Variants in ZNF704 observed in about 807,000 individuals in gnomAD.
The protein encoded by ZNF704 is glucocorticoid induced gene 1.
Under a neutral mutation model 44.7 loss-of-function variants are expected in ZNF704, and 10 were observed. The observed-to-expected ratio is 0.22, with a 90% confidence interval of 0.14 to 0.38. The LOEUF (loss-of-function observed/expected upper bound fraction) is 0.38, where lower values mean the gene tolerates loss of function less well. Among genes scored for constraint, ZNF704 ranks in the 10% least tolerant of loss-of-function variants. The probability of loss-of-function intolerance (pLI) is 1.00; values close to 1 mark genes in which losing one functional copy is unlikely to be tolerated. For missense variants in ZNF704, 390 were observed against 545.5 expected (o/e 0.71, Z 2.84); for synonymous variants, 211 against 207.6 (o/e 1.02, Z -0.14).
intron 2 of ZNF704, among the ~76,000 whole-genome samples, chr8:80,736,834 A>C (rs1356721193): frequency 2.0e-5 from 3 of 152,120 alleles, no homozygotes; most frequent in African/African-American, 7.2e-5. Context: ...TGTTCCCCCA[A>C]AACCTACTGA....
intron 2 of ZNF704, among the ~76,000 whole-genome samples, chr8:80,709,580 AGAG>A (rs1364315195): frequency 6.6e-6 from 1 of 151,208 alleles, no homozygotes; most frequent in African/African-American, 2.4e-5. Flanking sequence ...TGGTGGAGTG[AGAG>A]CCAGAGAAGG....
At chr8:80,690,807 G>A (rs983693658) in intron 3 of ZNF704, among the ~76,000 whole-genome samples, 4 of 152,104 alleles carry the variant, frequency 2.6e-5, no homozygotes, top group East Asian at 1.9e-4. Flanking sequence ...TCAGGAGTTC[G>A]GGACCAGCCT....
In ZNF704 at chr8:80,828,045, G is replaced by C. The variant is rs544524434; in HGVS notation, c.-21-6430C>G. Among the ~76,000 whole-genome samples, 4 of 152,020 alleles carry C rather than the reference G, an allele frequency of 2.6e-5. No homozygotes were observed. In the Middle Eastern group the frequency reaches 0.01, roughly 388 times the overall value. On this transcript the variant is annotated intron_variant, in intron 1 of 8. Transcript: ENST00000327835. ...TTCATGACTAAAACACCAAAAGCAA[G>C]AAAATTTTGGCAACAAAAGCCATAA...
intron 5 of ZNF704, 82 bp from the exon 6 acceptor site, chr8:80,665,164 G>A (rs1212368963): frequency 2.0e-6 from 3 of 1,467,700 alleles, no homozygotes; most frequent in Non-Finnish European, 2.8e-6. Context: ...TTTCCCCTCT[G>A]TCTGGAATGC....
chr8:80,711,429 G>A (rs1818984253), intron 2 of ZNF704, among the ~76,000 whole-genome samples: 1 of 152,166 alleles, frequency 6.6e-6, no homozygotes, highest in Non-Finnish European at 1.5e-5. Flanking sequence ...GGTAAACTCT[G>A]TATCAGGAAA....
chr8:80,799,441 AAGGG>A (rs1807862733), intron 2 of ZNF704, among the ~76,000 whole-genome samples: 1 of 152,200 alleles, frequency 6.6e-6, no homozygotes, highest in Admixed American at 6.5e-5. Flanking sequence ...GTCCAGGTAG[AAGGG>A]ATTTTAAGAG....
chr8:80,785,573 T>C (rs867891819), intron 2 of ZNF704, among the ~76,000 whole-genome samples: 1 of 152,222 alleles, frequency 6.6e-6, no homozygotes, highest in Non-Finnish European at 1.5e-5. Flanking sequence ...ATTTATTTTA[T>C]AGTTTGGGTT....
chr8:80,708,228 A>G (rs1175833104), intron 2 of ZNF704, among the ~76,000 whole-genome samples: 1 of 152,228 alleles, frequency 6.6e-6, no homozygotes, highest in African/African-American at 2.4e-5. Flanking sequence ...AGGCTGGACA[A>G]TTGCACACCT....
Position 80,639,744 on chromosome 8 carries a change from A to C in ZNF704, c.*1622T>G, listed in dbSNP as rs893217517. The C allele has an allele frequency of 6.6e-6, 1 of 152,566 alleles. No homozygotes were observed. The highest frequency in any genetic ancestry group is 2.4e-5 in the African/African-American group (1 of 41,410). 9.5% of individuals were successfully genotyped at this position (152,566 alleles called of 1,614,324 possible). ...TAAAAAGAATATCTGTCATTACTAGATGTCTTCTTTTTACGCTTAAAAAAG... is the reference window on the plus strand; with the variant it reads ...TAAAAAGAATATCTGTCATTACTAGCTGTCTTCTTTTTACGCTTAAAAAAG... On this transcript the variant is annotated 3_prime_UTR_variant, in exon 9 of 9. Coordinates refer to ENST00000327835, the MANE Select transcript of ZNF704 (RefSeq NM_001033723.3).
chr8:80,663,128 C>T lies in ZNF704; in HGVS notation c.927+1687G>A, dbSNP rs149012973. On this transcript the variant is annotated intron_variant, in intron 6 of 8. Transcript: ENST00000327835. The stretch of plus-strand genomic sequence containing the variant: ...GGCATGGTGGCTCAAGCCTATAATC[C>T]TAGCATGTTGGGAGGCCAACATGGG... Among the ~76,000 whole-genome samples, 215 of 152,124 alleles carry T rather than the reference C, an allele frequency of 1.4e-3. 1 individual carries two copies. In the East Asian group the frequency reaches 0.038, roughly 27 times the overall value.
intron 2 of ZNF704, among the ~76,000 whole-genome samples, chr8:80,756,170 T>TC (rs1349658566): frequency 2.0e-5 from 3 of 151,936 alleles, no homozygotes; most frequent in African/African-American, 7.3e-5. Flanking sequence ...AGAACACATG[T>TC]CGCTGCACCA....
chr8:80,765,229 A>T (rs890717408), intron 2 of ZNF704, among the ~76,000 whole-genome samples: 1 of 152,160 alleles, frequency 6.6e-6, no homozygotes, highest in East Asian at 1.9e-4. Context: ...CCAGCTCTCA[A>T]AGAGAGAGGC....
At chr8:80,744,039 A>C (rs1806806263) in intron 2 of ZNF704, among the ~76,000 whole-genome samples, 1 of 152,176 alleles carries the variant, frequency 6.6e-6, no homozygotes, top group East Asian at 1.9e-4. Context: ...TCTAGACTTG[A>C]AACGTGGCTA....
At chr8:80,865,064 G>C (rs1809131628) in intron 1 of ZNF704, among the ~76,000 whole-genome samples, 1 of 152,146 alleles carries the variant, frequency 6.6e-6, no homozygotes, top group African/African-American at 2.4e-5. Flanking sequence ...CAGATGAATG[G>C]AGTCACTTCA....
chr8:80,866,181 T>A (rs2130058813), intron 1 of ZNF704, among the ~76,000 whole-genome samples: 1 of 152,312 alleles, frequency 6.6e-6, no homozygotes, highest in Non-Finnish European at 1.5e-5. Flanking sequence ...AAAGGTATAT[T>A]TCAGAATTAC....
upstream of ZNF704, among the ~76,000 whole-genome samples, chr8:80,875,139 A>C (rs1809339270): frequency 6.6e-6 from 1 of 152,202 alleles, no homozygotes; most frequent in Non-Finnish European, 1.5e-5. Flanking sequence ...TTAAGAAATT[A>C]ATATGAAGTA....
At chr8:80,770,792 T>C (rs1487635142) in intron 2 of ZNF704, among the ~76,000 whole-genome samples, 1 of 152,196 alleles carries the variant, frequency 6.6e-6, no homozygotes, top group Admixed American at 6.5e-5. Flanking sequence ...TCTAAAGATT[T>C]TCTCCTACTG....
chr8:80,851,808 A>G (rs540412368), intron 1 of ZNF704, among the ~76,000 whole-genome samples: 61 of 152,346 alleles, frequency 4.0e-4, no homozygotes, highest in African/African-American at 1.4e-3. Flanking sequence ...TGGCCGAAAC[A>G]TTGTTATGTG....
chr8:80,873,394 G>T (rs1325603013), intron 1 of ZNF704: 1 of 151,496 alleles, frequency 6.6e-6, no homozygotes, highest in Non-Finnish European at 1.5e-5. Flanking sequence ...GCCCCGCGCG[G>T]CCGCCCGCGC....
Sources: allele counts gnomAD v4.1 joint callset (sites outside exome capture counted in the v4.1 genomes callset), GRCh38; gene constraint gnomAD v4.1.1; transcripts MANE v1.5; gene names NCBI Gene and HGNC (gene_info 2026-07-23, HGNC 2026-07-21).